JAZF1: variants seen among roughly 807,000 people sequenced by gnomAD.
JAZF1 encodes juxtaposed with another zinc finger protein 1.
JAZF1 carries 8 observed loss-of-function variants against 26.4 expected under a neutral mutation model. That is an observed-to-expected ratio of 0.30 (90% CI 0.18 to 0.55). The LOEUF is 0.55. Ranked by LOEUF, JAZF1 falls within the 20% of genes least tolerant of loss-of-function variation. The pLI is 0.94. For synonymous variants in JAZF1, 126 were observed against 122.3 expected, an observed-to-expected ratio of 1.03 and a Z score of -0.20; for missense variants, 199 against 322.0, an observed-to-expected ratio of 0.62 and a Z score of 2.92.
chr7:27,996,784 A>C (rs980830594), intron 1 of JAZF1, among the ~76,000 whole-genome samples: 2 of 152,182 alleles, frequency 1.3e-5, no homozygotes, highest in Non-Finnish European at 2.9e-5. Flanking sequence ...CACTTTTCAG[A>C]GGTGAAGAAC....
At chr7:28,067,342 A>T (rs1041504761) in intron 1 of JAZF1, among the ~76,000 whole-genome samples, 2 of 152,236 alleles carry the variant, frequency 1.3e-5, no homozygotes, top group African/African-American at 4.8e-5. Flanking sequence ...TTGTTAAACC[A>T]GTGGAATCTT....
chr7:28,069,110 G>C (rs906098693), intron 1 of JAZF1, among the ~76,000 whole-genome samples: 12 of 152,232 alleles, frequency 7.9e-5, no homozygotes, highest in Non-Finnish European at 1.8e-4. Flanking sequence ...TCTGCCTACT[G>C]ACAAGGCAGA....
At chr7:27,934,771 A>G (rs1007083490) in intron 2 of JAZF1, among the ~76,000 whole-genome samples, 1 of 152,220 alleles carries the variant, frequency 6.6e-6, no homozygotes, top group African/African-American at 2.4e-5. Flanking sequence ...ACACAGGAAT[A>G]AATCCTCCTT....
At chr7:27,884,279 T>C (rs1783822206) in intron 3 of JAZF1, among the ~76,000 whole-genome samples, 1 of 152,182 alleles carries the variant, frequency 6.6e-6, no homozygotes, top group Admixed American at 6.5e-5. Context: ...TACAGGCATG[T>C]GCCACCACAC....
intron 3 of JAZF1, chr7:27,842,378 G>C (rs1010603717): frequency 2.0e-5 from 3 of 152,224 alleles, no homozygotes; most frequent in African/African-American, 7.2e-5. Flanking sequence ...CCAGCCCCCA[G>C]TGCCAGGCTC....
intron 3 of JAZF1, among the ~76,000 whole-genome samples, chr7:27,859,780 G>T (rs1396646243): frequency 6.6e-6 from 1 of 152,188 alleles, no homozygotes; most frequent in African/African-American, 2.4e-5. Context: ...ATGACGGGTT[G>T]ATGGGTGCAG....
Position 27,873,683 on chromosome 7 carries a change from G to C in JAZF1, c.385+21537C>G, listed in dbSNP as rs185576436. On this transcript the variant is annotated intron_variant, in intron 3 of 4. Transcript: ENST00000283928. ...GCGGTTCACTGAAGGCACTGAGGTT[G>C]AGTCTCCTAGGAGCTTTATTTACAC... Among the ~76,000 whole-genome samples the C allele has an allele frequency of 2.0e-3, 310 of 152,350 alleles. 2 individuals are homozygous for C. The highest frequency in any genetic ancestry group is 2.5e-3 in the Non-Finnish European group (172 of 68,032).
intron 4 of JAZF1, among the ~76,000 whole-genome samples, chr7:27,838,435 G>A (rs564826140): frequency 2.0e-5 from 3 of 152,250 alleles, no homozygotes; most frequent in Admixed American, 1.3e-4. Flanking sequence ...ATCCGTAAAT[G>A]CCAATGAAAT....
chr7:27,900,165 A>G (rs1196127898), intron 2 of JAZF1, among the ~76,000 whole-genome samples: 1 of 152,166 alleles, frequency 6.6e-6, no homozygotes, highest in Non-Finnish European at 1.5e-5. Flanking sequence ...CAATGGTGAC[A>G]CTGCTCTGAT....
intron 3 of JAZF1, among the ~76,000 whole-genome samples, chr7:27,864,794 C>T (rs1488616241): frequency 1.3e-5 from 2 of 152,184 alleles, no homozygotes; most frequent in Non-Finnish European, 2.9e-5. Context: ...TTTCCCCATC[C>T]GTTAACCAAG....
intron 1 of JAZF1, among the ~76,000 whole-genome samples, chr7:28,179,920 C>T (rs1275605490): frequency 6.9e-6 from 1 of 145,892 alleles, no homozygotes; most frequent in African/African-American, 2.5e-5. Context: ...CCCCCGCCCC[C>T]CCGCTCCACC....
intron 2 of JAZF1, among the ~76,000 whole-genome samples, chr7:27,978,791 T>A (rs1785520655): frequency 6.6e-6 from 1 of 152,068 alleles, no homozygotes; most frequent in Admixed American, 6.6e-5. Context: ...AGAAAACCAT[T>A]TTATTTAACT....
intron 3 of JAZF1, among the ~76,000 whole-genome samples, chr7:27,847,288 C>G (rs549396482): frequency 2.1e-4 from 32 of 152,118 alleles, no homozygotes; most frequent in African/African-American, 7.7e-4. Flanking sequence ...CCATGCCCAG[C>G]TATGCAGTCT....
At chr7:28,099,597 C>A (rs988249029) in intron 1 of JAZF1, among the ~76,000 whole-genome samples, 1 of 152,168 alleles carries the variant, frequency 6.6e-6, no homozygotes, top group African/African-American at 2.4e-5. Context: ...CTGCCTCAGC[C>A]TCCCAAGTAG....
chr7:28,011,403 TAAC>T (rs137921979), intron 1 of JAZF1, among the ~76,000 whole-genome samples: 17,865 of 152,204 alleles, frequency 0.12, 1,153 homozygotes, highest in Middle Eastern at 0.16. Context: ...AAGGTAGTGA[TAAC>T]AAGGAGACAT....
chr7:27,927,685 G>C (rs1029870363), intron 2 of JAZF1, among the ~76,000 whole-genome samples: 1 of 152,018 alleles, frequency 6.6e-6, no homozygotes, highest in Non-Finnish European at 1.5e-5. Context: ...TCTCACAAGA[G>C]ATGTTTTTTA....
At chr7:28,131,775 G>C (rs1436784639) in intron 1 of JAZF1, among the ~76,000 whole-genome samples, 1 of 152,136 alleles carries the variant, frequency 6.6e-6, no homozygotes, top group East Asian at 1.9e-4. Flanking sequence ...CTAAGCTCTA[G>C]GTTGGAAAAC....
At chr7:28,154,134 C>T (rs1478100888) in intron 1 of JAZF1, among the ~76,000 whole-genome samples, 1 of 152,184 alleles carries the variant, frequency 6.6e-6, no homozygotes, top group Admixed American at 6.5e-5. Context: ...TGACTGACCC[C>T]CTCCCATCCC....
chr7:27,923,229 C>T (rs967666078), intron 2 of JAZF1, among the ~76,000 whole-genome samples: 1 of 152,200 alleles, frequency 6.6e-6, no homozygotes, highest in African/African-American at 2.4e-5. Context: ...GTGGTATAGA[C>T]AAGACCAGCA....
Sources: allele counts gnomAD v4.1 joint callset (sites outside exome capture counted in the v4.1 genomes callset), GRCh38; gene constraint gnomAD v4.1.1; transcripts MANE v1.5; gene names NCBI Gene and HGNC (gene_info 2026-07-23, HGNC 2026-07-21).